Variants in MAGI3 observed in about 807,000 individuals in gnomAD.
MAGI3 encodes the protein membrane associated guanylate kinase, WW and PDZ domain containing 3, also known as membrane-associated guanylate kinase, WW and PDZ domain-containing protein 3.
Under a neutral mutation model 121.8 loss-of-function variants are expected in MAGI3, and 43 were observed. The observed-to-expected ratio is 0.35, with a 90% CI of 0.28 to 0.46. MAGI3 has a LOEUF of 0.46. Among genes scored for constraint, MAGI3 ranks in the 20% least tolerant of loss-of-function variants. MAGI3 has a pLI of 1.00. For synonymous variants in MAGI3, 553 were observed against 639.3 expected (o/e 0.86, Z 2.04); for missense variants, 1,547 against 1,797.3 (o/e 0.86, Z 2.52).
intron 1 of MAGI3, among the ~76,000 whole-genome samples, chr1:113,526,144 T>G (rs1352059354): frequency 6.6e-6 from 1 of 152,224 alleles, no homozygotes; most frequent in Non-Finnish European, 1.5e-5. Flanking sequence ...TATTAATTCT[T>G]TAATATTTAT....
At chr1:113,630,027 C>T (rs1192488306) in intron 9 of MAGI3, among the ~76,000 whole-genome samples, 2 of 152,234 alleles carry the variant, frequency 1.3e-5, no homozygotes, top group East Asian at 3.9e-4. Flanking sequence ...TCGTGTCCCT[C>T]TCTTCAGGAT....
intron 1 of MAGI3, among the ~76,000 whole-genome samples, chr1:113,443,102 C>T (rs779131684): frequency 1.1e-4 from 16 of 152,018 alleles, no homozygotes; most frequent in Non-Finnish European, 1.8e-4. Context: ...ATTCAGTATG[C>T]CTTGCTCAAA....
chr1:113,532,322 TA>T (rs1658766483), intron 1 of MAGI3, among the ~76,000 whole-genome samples: 1 of 151,990 alleles, frequency 6.6e-6, no homozygotes, highest in Admixed American at 6.6e-5. Context: ...CATGAAATTT[TA>T]TCTCCATGTC....
Position 113,683,213 on chromosome 1 carries a change from T to C in MAGI3, c.3645T>C (p.Val1215=), listed in dbSNP as rs759484022. 2.5e-6 allele frequency: 4 copies of C among 1,613,828 alleles called. No homozygotes were observed. Among genetic ancestry groups the C allele is most frequent in the Non-Finnish European group, 3.4e-6 (4 of 1,179,896 alleles). ...KKNLLKVENG[V]TRRGRSVSPK... ...ATCTATTAAAAGTAGAAAATGGTGTTACACGAAGAGGTAGATCGGTTAGTC... is the reference window on the plus strand; with the variant it reads ...ATCTATTAAAAGTAGAAAATGGTGTCACACGAAGAGGTAGATCGGTTAGTC... Residue 1215 remains valine, a synonymous_variant, in exon 21 of 21, where the codon GTT becomes GTC. Coordinates refer to ENST00000307546, the MANE Select transcript of MAGI3 (RefSeq NM_001142782.2).
At chr1:113,514,281 A>C (rs1259966758) in intron 1 of MAGI3, among the ~76,000 whole-genome samples, 6 of 151,916 alleles carry the variant, frequency 3.9e-5, no homozygotes, top group African/African-American at 2.4e-5. Context: ...CTGGGTATAT[A>C]CCCAAAGGAC....
chr1:113,452,225 T>TA (rs1397420130), intron 1 of MAGI3, among the ~76,000 whole-genome samples: 1 of 152,138 alleles, frequency 6.6e-6, no homozygotes, highest in African/African-American at 2.4e-5. Context: ...AGGTATGTAG[T>TA]AGCCATAAGG....
intron 1 of MAGI3, among the ~76,000 whole-genome samples, chr1:113,408,592 T>C (rs1041246237): frequency 1.3e-5 from 2 of 152,150 alleles, no homozygotes; most frequent in Non-Finnish European, 2.9e-5. Flanking sequence ...ATTGATATTA[T>C]TTTTATGCTT....
chr1:113,653,564 G>A (rs978132518), intron 14 of MAGI3, among the ~76,000 whole-genome samples: 5 of 151,370 alleles, frequency 3.3e-5, no homozygotes, highest in Non-Finnish European at 7.4e-5. Flanking sequence ...AGAGCAAGAC[G>A]CCATCTCGGG....
At chr1:113,650,355 C>T (rs1333901499) in intron 13 of MAGI3, among the ~76,000 whole-genome samples, 2 of 152,122 alleles carry the variant, frequency 1.3e-5, no homozygotes, top group Non-Finnish European at 2.9e-5. Context: ...TTGTCTCAAA[C>T]AACTTAGAAG....
chr1:113,485,783 C>CT (rs1656354059), intron 1 of MAGI3, among the ~76,000 whole-genome samples: 1 of 152,064 alleles, frequency 6.6e-6, no homozygotes, highest in East Asian at 1.9e-4. Flanking sequence ...CTTCTAGAAT[C>CT]TTTATGATTT....
chr1:113,485,742 C>G (rs1037539853), intron 1 of MAGI3, among the ~76,000 whole-genome samples: 8 of 152,168 alleles, frequency 5.3e-5, no homozygotes, highest in African/African-American at 1.9e-4. Flanking sequence ...TTTGCTTAAG[C>G]CAATGTCTAG....
intron 1 of MAGI3, among the ~76,000 whole-genome samples, chr1:113,452,366 G>A (rs761987246): frequency 1.5e-4 from 22 of 151,366 alleles, no homozygotes; most frequent in Middle Eastern, 6.9e-3. Context: ...TCTCTCTATG[G>A]GACTTCACTG....
chr1:113,566,576 T>A (rs1365609255), intron 2 of MAGI3, among the ~76,000 whole-genome samples: 1 of 152,112 alleles, frequency 6.6e-6, no homozygotes, highest in Non-Finnish European at 1.5e-5. Flanking sequence ...TCTTAATAAA[T>A]TTAAGATTTA....
At chr1:113,656,055 G>C (rs1653453437) in intron 15 of MAGI3, among the ~76,000 whole-genome samples, 1 of 152,194 alleles carries the variant, frequency 6.6e-6, no homozygotes, top group South Asian at 2.1e-4. Context: ...TGTGGCAGGA[G>C]ATGAGTATTT....
rs1393215217 is a variant in MAGI3 at position 113,685,502 on chromosome 1, C to A, written c.*1488C>A. On this transcript the variant is annotated 3_prime_UTR_variant, in exon 21 of 21. Transcript: ENST00000307546. ...ACTCAATTAGCCCCTGTAGATAAGA[C>A]ATGCTTCCCAGAGTGAGATTTTTGA... The A allele has an allele frequency of 1.3e-5, 2 of 152,362 alleles. No individual in the cohort carries two copies. Among genetic ancestry groups the A allele is most frequent in the South Asian group, 4.1e-4 (2 of 4,834 alleles). The allele number at this position is 152,362 out of a possible 1,614,324, so 9.4% of individuals were successfully genotyped here.
chr1:113,618,777 TC>T (rs1461556593), intron 7 of MAGI3, among the ~76,000 whole-genome samples: 1 of 152,224 alleles, frequency 6.6e-6, no homozygotes, highest in Non-Finnish European at 1.5e-5. Flanking sequence ...GTGCTGAGAT[TC>T]CAGGCGTGAG....
intron 1 of MAGI3, among the ~76,000 whole-genome samples, chr1:113,402,006 A>G (rs988920000): frequency 2.0e-5 from 3 of 152,176 alleles, no homozygotes; most frequent in African/African-American, 7.2e-5. Flanking sequence ...AAACACAGCA[A>G]TCCAATCTTA....
At chr1:113,493,948 T>C (rs1206303474) in intron 1 of MAGI3, among the ~76,000 whole-genome samples, 2 of 152,202 alleles carry the variant, frequency 1.3e-5, no homozygotes, top group African/African-American at 4.8e-5. Flanking sequence ...TCAACCATTG[T>C]GGGAGACGAT....
At chr1:113,506,739 C>T (rs1177813896) in intron 1 of MAGI3, among the ~76,000 whole-genome samples, 8 of 152,146 alleles carry the variant, frequency 5.3e-5, no homozygotes, top group Admixed American at 5.2e-4. Context: ...GAAGTATAGG[C>T]TTCCTGCCTT....
Sources: gnomAD v4.1 joint callset for allele counts (sites outside exome capture counted in the v4.1 genomes callset) on GRCh38, gnomAD v4.1.1 for gene constraint, MANE v1.5 for transcripts, NCBI Gene and HGNC (gene_info 2026-07-23, HGNC 2026-07-21) for gene names.